GCLC: variants seen among roughly 807,000 people sequenced by gnomAD.
GCLC encodes the protein glutamate--cysteine ligase catalytic subunit.
In GCLC, 30 loss-of-function variants were observed where a neutral mutation model predicts 81.5. The observed-to-expected ratio is 0.37, with a 90% CI of 0.28 to 0.50. The LOEUF is 0.50. Among genes scored for constraint, GCLC ranks in the 20% least tolerant of loss-of-function variants. The pLI is 0.96. For missense variants in GCLC, 556 were observed against 777.4 expected, an observed-to-expected ratio of 0.72 and a Z score of 3.39; for synonymous variants, 262 against 273.3, an observed-to-expected ratio of 0.96 and a Z score of 0.41.
At chr6:53,507,425 C>T (rs2091854343) in intron 9 of GCLC, 55 bp downstream of exon 9, 1 of 1,594,452 alleles carries the variant, frequency 6.3e-7, no homozygotes, top group Non-Finnish European at 8.6e-7. Flanking sequence ...TGTAAAAGAG[C>T]TTTGAAGAAC....
rs1764808551 is a variant in GCLC, at chr6:53,514,014, A to G, written c.753+190T>C. 9.6e-6 allele frequency: 6 copies of G among 622,468 alleles called. No individual in the cohort carries two copies. In the South Asian group the frequency reaches 1.2e-4, roughly 12 times the overall value. The allele number at this position is 622,468 out of a possible 1,614,324, so 38.6% of individuals were successfully genotyped here. ...CTTTGTGGTGAACAACAGAGTCTGT[A>G]GAACTATTAGTCATAGACAGCTTCC... On this transcript the variant is annotated intron_variant, in intron 6 of 15. Transcript: ENST00000650454.
At position 53,506,657 on chromosome 6, in the gene GCLC, A is replaced by T. The variant is rs1423690823; in HGVS notation, c.1197+256T>A. ...GGCAAATAAGAAAATACTGAACAAT[A>T]AAAAAAAAAATTAGAATCAGTGAGA... On this transcript the variant is annotated intron_variant, in intron 10 of 15. Transcript: ENST00000650454. This position sits in a 1 kb window ranked among gnomAD's most constrained non-coding sequence, Gnocchi z 4.0. 1 of 265,590 alleles carries T rather than the reference A, an allele frequency of 3.8e-6. No individual in the cohort carries two copies. Among genetic ancestry groups the T allele is most frequent in the African/African-American group, 2.3e-5 (1 of 44,130 alleles). 16.5% of individuals were successfully genotyped at this position (265,590 alleles called of 1,614,324 possible). A position where few individuals can be genotyped will look rare whatever the true frequency, so the allele number is the denominator to read the frequency against.
chr6:53,522,344 T>C (rs1763013270), intron 2 of GCLC, 71 bp downstream of exon 2: 2 of 916,220 alleles, frequency 2.2e-6, no homozygotes, highest in Non-Finnish European at 3.7e-6. Context: ...CCTCCAATAA[T>C]TGAGAAAAAA....
chr6:53,506,750 C>T lies in GCLC; in HGVS notation c.1197+163G>A. ...TTTTATTTGTCCAAGTTCTTTACTG[C>T]ACTGGGTAAATGAAAGTCTTATGAA... On this transcript the variant is annotated intron_variant, in intron 10 of 15. Coordinates refer to ENST00000650454, the MANE Select transcript of GCLC (RefSeq NM_001498.4). The surrounding 1 kb of genome is among the most constrained non-coding windows in gnomAD (Gnocchi z 4.0). The T allele has an allele frequency of 1.6e-6, 1 of 629,628 alleles. No homozygotes were observed. 39.0% of individuals were successfully genotyped at this position (629,628 alleles called of 1,614,324 possible). A position where few individuals can be genotyped will look rare whatever the true frequency, so the allele number is the denominator to read the frequency against.
chr6:53,501,011 G>C (rs1361078876), intron 12 of GCLC: 1 of 200,434 alleles, frequency 5.0e-6, no homozygotes, highest in African/African-American at 2.4e-5. Context: ...TGTCTCCTGG[G>C]TTCAAGCAAT....
chr6:53,538,724 A>G (rs941056893), intron 1 of GCLC, among the ~76,000 whole-genome samples: 40 of 152,324 alleles, frequency 2.6e-4, no homozygotes, highest in Admixed American at 4.6e-4. Flanking sequence ...ACATGCTCAT[A>G]AAGATTAAAG....
intron 3 of GCLC, among the ~76,000 whole-genome samples, chr6:53,516,648 C>T (rs181323880): frequency 6.6e-6 from 1 of 152,252 alleles, no homozygotes; most frequent in East Asian, 1.9e-4. Flanking sequence ...ATCTTTGGAC[C>T]TGCTGCATGG....
intron 1 of GCLC, among the ~76,000 whole-genome samples, chr6:53,526,343 G>C (rs191339036): frequency 6.6e-6 from 1 of 152,194 alleles, no homozygotes; most frequent in Non-Finnish European, 1.5e-5. Flanking sequence ...AGCAGACAGA[G>C]AAATACCTGT....
At chr6:53,507,200 C>A (rs17879084) in intron 9 of GCLC, 175 bp from the exon 10 acceptor site, 5 of 681,396 alleles carry the variant, frequency 7.3e-6, no homozygotes, top group African/African-American at 1.8e-5. Flanking sequence ...GCGGACACTG[C>A]GGGAGTGTCA....
rs1225357173 is a variant in GCLC, at chr6:53,497,648, A to AG, written c.*1107dup. On this transcript the variant is annotated 3_prime_UTR_variant, in exon 16 of 16. Transcript: ENST00000650454. ...CAGAAGCAGTTGACTTAACTAGTTGAGAAAAAAAACAACAAACTTCAACGC... is the reference window on the plus strand; with the variant it reads ...CAGAAGCAGTTGACTTAACTAGTTGAGGAAAAAAAACAACAAACTTCAACGC... 1 of 126,748 alleles carries AG rather than the reference A, an allele frequency of 7.9e-6. No individual in the cohort carries two copies. The highest frequency in any genetic ancestry group is 1.7e-5 in the Non-Finnish European group (1 of 60,558). The allele number at this position is 126,748 out of a possible 1,614,324, so 7.9% of individuals were successfully genotyped here.
At position 53,497,978 on chromosome 6, in the gene GCLC, C is replaced by G. The variant is rs1241576118; in HGVS notation, c.*778G>C. 6.7e-6 allele frequency: 1 copy of G among 148,746 alleles called. No individual in the cohort carries two copies. The highest frequency in any genetic ancestry group is 1.5e-5 in the Non-Finnish European group (1 of 67,354). 9.2% of individuals were successfully genotyped at this position (148,746 alleles called of 1,614,324 possible). ...TAGGAAGAAAAATGATTGCCACCCC[C>G]CACCCCTGCCGCCAACTTTTTTAGT... is the stretch of plus-strand genomic sequence containing the variant. On this transcript the variant is annotated 3_prime_UTR_variant, in exon 16 of 16. Transcript: ENST00000650454.
rs17881292 is a variant in GCLC at position 53,506,179 on chromosome 6, C to G, written c.1198-284G>C. 1 of 383,514 alleles carries G rather than the reference C, an allele frequency of 2.6e-6. No homozygotes were observed. The allele number at this position is 383,514 out of a possible 1,614,324, so 23.8% of individuals were successfully genotyped here. The stretch of plus-strand genomic sequence containing the variant: ...CTACAGAGCAGCATCTGAAGAGCCA[C>G]GGGGCCCCCACCTTCATCCCTGAGA... On this transcript the variant is annotated intron_variant, in intron 10 of 15. Coordinates refer to ENST00000650454, the MANE Select transcript of GCLC (RefSeq NM_001498.4). The surrounding 1 kb of genome is among the most constrained non-coding windows in gnomAD (Gnocchi z 4.0).
At chr6:53,531,810 G>T (rs1164351813) in intron 1 of GCLC, among the ~76,000 whole-genome samples, 1 of 152,158 alleles carries the variant, frequency 6.6e-6, no homozygotes, top group African/African-American at 2.4e-5. Flanking sequence ...GTTGTACAAG[G>T]TATTTATCCT....
chr6:53,511,367 C>T (rs1214849744), intron 6 of GCLC, among the ~76,000 whole-genome samples: 1 of 152,124 alleles, frequency 6.6e-6, no homozygotes, highest in African/African-American at 2.4e-5. Context: ...TTATTTTGAA[C>T]ATGCATCTCT....
In GCLC at chr6:53,544,859, C is replaced by G; in HGVS notation, c.-214G>C. On this transcript the variant is annotated 5_prime_UTR_variant, in exon 1 of 16. Coordinates refer to ENST00000650454, the MANE Select transcript of GCLC (RefSeq NM_001498.4). The stretch of plus-strand genomic sequence containing the variant: ...GGTGACAGACCCTGGGTCCGACGCA[C>G]CGCGCGGAGGCGAAGGCAGAAGACC... 1 of 419,634 alleles carries G rather than the reference C, an allele frequency of 2.4e-6. No homozygotes were observed. The highest frequency in any genetic ancestry group is 4.2e-6 in the Non-Finnish European group (1 of 239,816). The allele number at this position is 419,634 out of a possible 1,614,324, so 26.0% of individuals were successfully genotyped here.
chr6:53,506,427 C>G lies in GCLC; in HGVS notation c.1197+486G>C, dbSNP rs750952845. 1.8e-5 allele frequency: 4 copies of G among 218,154 alleles called. No homozygotes were observed. Among genetic ancestry groups the G allele is most frequent in the Non-Finnish European group, 2.7e-5 (3 of 109,524 alleles). The allele number at this position is 218,154 out of a possible 1,614,324, so 13.5% of individuals were successfully genotyped here. ...ATGGCAAGACTGGAAGGATTTATAT[C>G]TCCTTTTGTGAGTTTGGTGGGGGAA... is the stretch of plus-strand genomic sequence containing the variant. On this transcript the variant is annotated intron_variant, in intron 10 of 15. Coordinates refer to ENST00000650454, the MANE Select transcript of GCLC (RefSeq NM_001498.4). The surrounding 1 kb of genome is among the most constrained non-coding windows in gnomAD (Gnocchi z 4.0).
chr6:53,523,535 C>T lies in GCLC; in HGVS notation c.151-1008G>A, dbSNP rs114979273. 2.4e-3 allele frequency among the ~76,000 whole-genome samples: 364 copies of T among 152,260 alleles called. 1 individual carries two copies. The highest frequency in any genetic ancestry group is 8.5e-3 in the African/African-American group (354 of 41,562). ...TAGAAAAAATAAAAAGGCAGGCAAC[C>T]GTATATCCACTATTTCCCAGATATT... On this transcript the variant is annotated intron_variant, in intron 1 of 15. Coordinates refer to ENST00000650454, the MANE Select transcript of GCLC (RefSeq NM_001498.4).
At chr6:53,528,590 T>C (rs1190571637) in intron 1 of GCLC, among the ~76,000 whole-genome samples, 1 of 152,224 alleles carries the variant, frequency 6.6e-6, no homozygotes. Flanking sequence ...TAACATTTCA[T>C]ATATTTTGAG....
intron 4 of GCLC, among the ~76,000 whole-genome samples, chr6:53,515,364 C>G (rs1481629312): frequency 6.6e-6 from 1 of 152,232 alleles, no homozygotes; most frequent in African/African-American, 2.4e-5. Context: ...CATAATCTAT[C>G]TCTTCTTGAG....
Sources: gnomAD v4.1 joint callset for allele counts (sites outside exome capture counted in the v4.1 genomes callset) on GRCh38, gnomAD v4.1.1 for gene constraint, Gnocchi (gnomAD v3.1) non-coding constraint, MANE v1.5 for transcripts, NCBI Gene and HGNC (gene_info 2026-07-23, HGNC 2026-07-21) for gene names.